The following LRRC72 variants were observed in gnomAD, a reference collection of about 807,000 sequenced individuals.
The protein encoded by LRRC72 is leucine-rich repeat-containing protein 72.
LRRC72 carries 41 observed loss-of-function variants against 35.8 expected under a neutral mutation model. That is an observed-to-expected ratio of 1.15 (90% CI 0.89 to 1.49). LRRC72 has a LOEUF of 1.49. Ranked by LOEUF, LRRC72 falls within the 40% of genes most tolerant of loss-of-function variation. The pLI is 0.00. For synonymous variants in LRRC72, 118 were observed against 119.2 expected (o/e 0.99, Z 0.07); for missense variants, 389 against 330.7 (o/e 1.18, Z -1.37).
intron 1 of LRRC72, among the ~76,000 whole-genome samples, chr7:16,530,906 C>T (rs1051956182): frequency 6.6e-6 from 1 of 151,984 alleles, no homozygotes; most frequent in Non-Finnish European, 1.5e-5. Flanking sequence ...GTTAAAATAC[C>T]CAGATGAGGG....
At position 16,527,092 on chromosome 7, in the gene LRRC72, C is replaced by T. The variant is rs1465823715; in HGVS notation, c.90+50C>T. 8.3e-6 allele frequency: 12 copies of T among 1,446,312 alleles called. No homozygotes were observed. In the Admixed American group the frequency reaches 1.6e-4, roughly 19 times the overall value. 89.6% of individuals were successfully genotyped at this position (1,446,312 alleles called of 1,614,324 possible). A position where few individuals can be genotyped will look rare whatever the true frequency, so the allele number is the denominator to read the frequency against. ...CCATCAGCCCCTTTGGCCCCCTGCC[C>T]CAGGGCCCCACCTCCTGCCTGAGGA... On this transcript the variant is annotated intron_variant, in intron 1 of 8. Coordinates refer to ENST00000401542, the MANE Select transcript of LRRC72 (RefSeq NM_001195280.2).
intron 3 of LRRC72, among the ~76,000 whole-genome samples, chr7:16,550,595 A>G (rs1055733150): frequency 6.6e-6 from 1 of 152,238 alleles, no homozygotes; most frequent in Non-Finnish European, 1.5e-5. Context: ...GTCATTTCCC[A>G]GTTGCAACAA....
At chr7:16,566,904 C>A (rs1035887071) in intron 6 of LRRC72, among the ~76,000 whole-genome samples, 13 of 152,124 alleles carry the variant, frequency 8.5e-5, no homozygotes, top group Non-Finnish European at 1.8e-4. Flanking sequence ...CACACACACA[C>A]AATCAACCTC....
chr7:16,548,401 G>A (rs534984056), intron 3 of LRRC72, among the ~76,000 whole-genome samples: 1 of 152,342 alleles, frequency 6.6e-6, no homozygotes, highest in African/African-American at 2.4e-5. Flanking sequence ...GAAGAGAGGA[G>A]AGAAGAGCTG....
intron 3 of LRRC72, among the ~76,000 whole-genome samples, chr7:16,544,844 A>G (rs1052613126): frequency 1.3e-5 from 2 of 152,244 alleles, no homozygotes; most frequent in Admixed American, 6.5e-5. Context: ...CAAGTATTCA[A>G]AATGGAATCT....
At chr7:16,552,082 T>C (rs999376482) in intron 3 of LRRC72, among the ~76,000 whole-genome samples, 1 of 152,100 alleles carries the variant, frequency 6.6e-6, no homozygotes, top group Non-Finnish European at 1.5e-5. Context: ...GCCCCACACA[T>C]TTGGTCAAAA....
At chr7:16,531,030 C>G (rs562672789) in intron 1 of LRRC72, among the ~76,000 whole-genome samples, 7 of 151,818 alleles carry the variant, frequency 4.6e-5, no homozygotes, top group East Asian at 1.9e-4. Flanking sequence ...AACCCCATCT[C>G]TACAAAAAAT....
At position 16,566,476 on chromosome 7, in the gene LRRC72, T is replaced by C. The variant is rs541783649; in HGVS notation, c.517+74T>C. On this transcript the variant is annotated intron_variant, in intron 6 of 8. Transcript: ENST00000401542. ...AGCTCAGCGGTTTAAAAACGAAGAC[T>C]ACCTTTGAAAATATGTCTTTGTAAA... 8.1e-6 allele frequency: 7 copies of C among 860,872 alleles called. No individual in the cohort carries two copies. The East Asian group carries it at 1.8e-4, about 22-fold the overall frequency. 53.3% of individuals were successfully genotyped at this position (860,872 alleles called of 1,614,324 possible). A position where few individuals can be genotyped will look rare whatever the true frequency, so the allele number is the denominator to read the frequency against.
chr7:16,559,852 G>C (rs1782716397), intron 5 of LRRC72, among the ~76,000 whole-genome samples: 1 of 151,078 alleles, frequency 6.6e-6, no homozygotes, highest in South Asian at 2.1e-4. Flanking sequence ...TGAACAGTGT[G>C]ATACATAAAG....
At chr7:16,564,526 T>C (rs1782795462) in intron 5 of LRRC72, among the ~76,000 whole-genome samples, 1 of 152,008 alleles carries the variant, frequency 6.6e-6, no homozygotes, top group South Asian at 2.1e-4. Flanking sequence ...AAAAAAAAAG[T>C]TTTATTTTTC....
chr7:16,568,798 A>G (rs1782893637), intron 7 of LRRC72, among the ~76,000 whole-genome samples: 1 of 152,238 alleles, frequency 6.6e-6, no homozygotes, highest in South Asian at 2.1e-4. Flanking sequence ...CTACAAAAGA[A>G]TAACACAGAG....
rs569339024 is a variant in LRRC72 at position 16,542,779 on chromosome 7, C to A, written c.234+5083C>A. On this transcript the variant is annotated intron_variant, in intron 3 of 8. Coordinates refer to ENST00000401542, the MANE Select transcript of LRRC72 (RefSeq NM_001195280.2). ...GTAGCTTTTTTATCTTAGTAGCTAT[C>A]TTTTTTAGGAATAGAATGTGAGGGA... 1.2e-3 allele frequency among the ~76,000 whole-genome samples: 179 copies of A among 152,212 alleles called. 2 individuals are homozygous for A. Among genetic ancestry groups the A allele is most frequent in the African/African-American group, 3.9e-3 (162 of 41,534 alleles).
intron 1 of LRRC72, 39 bp from the exon 2 acceptor site, chr7:16,532,456 A>G (rs1782184429): frequency 1.4e-6 from 2 of 1,474,410 alleles, no homozygotes; most frequent in Non-Finnish European, 9.3e-7. Flanking sequence ...ACTTTTGTTC[A>G]TTGGAATGTA....
intron 3 of LRRC72, among the ~76,000 whole-genome samples, chr7:16,547,387 C>T (rs1782466431): frequency 6.6e-6 from 1 of 152,098 alleles, no homozygotes; most frequent in African/African-American, 2.4e-5. Context: ...AGGAGCTCCC[C>T]AGGCACAACT....
chr7:16,567,334 G>A lies in LRRC72; in HGVS notation c.518-57G>A, dbSNP rs142743564. On this transcript the variant is annotated intron_variant, in intron 6 of 8. Coordinates refer to ENST00000401542, the MANE Select transcript of LRRC72 (RefSeq NM_001195280.2). ...TCTTGAAAGTGTTCAGTTCTATTTT[G>A]AATCACTCCGCCTATTTATAATGTT... 2,524 of 1,178,466 alleles carry A rather than the reference G, an allele frequency of 2.1e-3. 33 individuals are homozygous for A. In the African/African-American group the frequency reaches 0.029, roughly 13 times the overall value. 73.0% of individuals were successfully genotyped at this position (1,178,466 alleles called of 1,614,324 possible).
At chr7:16,571,808 TC>T (rs1292205149) in intron 7 of LRRC72, among the ~76,000 whole-genome samples, 4 of 152,310 alleles carry the variant, frequency 2.6e-5, no homozygotes, top group African/African-American at 9.6e-5. Context: ...AGGTCTTTTT[TC>T]ATACCCCAGT....
Position 16,567,521 on chromosome 7 carries a change from AC to A in LRRC72, c.650del (p.Pro217GlnfsTer15). The part of the protein sequence containing the change: ...WDPKSPFKQK[P>X]AQRVPSDFAF... ...ATCCTAAATCACCATTTAAGCAAAA[AC>A]CAGCCCAGAGAGTACCTTCAGGTAT... On this transcript the variant is annotated frameshift_variant, in exon 7 of 9. Coordinates refer to ENST00000401542, the MANE Select transcript of LRRC72 (RefSeq NM_001195280.2). LOFTEE classifies it high-confidence loss of function. 1 of 1,474,760 alleles carries A rather than the reference AC, an allele frequency of 6.8e-7. No homozygotes were observed. The highest frequency in any genetic ancestry group is 1.4e-5 in the South Asian group (1 of 69,184). 91.4% of individuals were successfully genotyped at this position (1,474,760 alleles called of 1,614,324 possible). A position where few individuals can be genotyped will look rare whatever the true frequency, so the allele number is the denominator to read the frequency against.
At chr7:16,540,298 G>A (rs551165504) in intron 3 of LRRC72, among the ~76,000 whole-genome samples, 1 of 152,286 alleles carries the variant, frequency 6.6e-6, no homozygotes, top group African/African-American at 2.4e-5. Context: ...TGAGGCCTGT[G>A]ACCCTTTGTT....
chr7:16,550,747 C>G (rs1782535112), intron 3 of LRRC72, among the ~76,000 whole-genome samples: 1 of 152,198 alleles, frequency 6.6e-6, no homozygotes, highest in South Asian at 2.1e-4. Flanking sequence ...TTAATTCTTT[C>G]TCTTTCCTGC....
Sources: allele counts gnomAD v4.1 joint callset (sites outside exome capture counted in the v4.1 genomes callset), GRCh38; gene constraint gnomAD v4.1.1; transcripts MANE v1.5; gene names NCBI Gene and HGNC (gene_info 2026-07-23, HGNC 2026-07-21).